SGCZ: variants seen among roughly 807,000 people sequenced by gnomAD.
SGCZ encodes zeta-sarcoglycan.
Under a neutral mutation model 41.3 loss-of-function variants are expected in SGCZ, and 40 were observed. The ratio of observed to expected loss-of-function variants is 0.97; its 90% CI spans 0.75 to 1.26. SGCZ has a LOEUF of 1.26. Among genes scored for constraint, SGCZ ranks in the 50% most tolerant of loss-of-function variants. SGCZ has a pLI of 0.00. For missense variants in SGCZ, 552 were observed against 369.8 expected (o/e 1.49, Z -4.04); for synonymous variants, 206 against 137.5 (o/e 1.50, Z -3.49).
chr8:15,132,679 T>C (rs1458144641), intron 1 of SGCZ, among the ~76,000 whole-genome samples: 3 of 152,148 alleles, frequency 2.0e-5, no homozygotes, highest in African/African-American at 2.4e-5. Context: ...TTGGTAAATA[T>C]TGAGGAATTT....
intron 4 of SGCZ, among the ~76,000 whole-genome samples, chr8:14,211,205 G>A (rs980911544): frequency 6.6e-6 from 1 of 152,172 alleles, no homozygotes; most frequent in African/African-American, 2.4e-5. Context: ...AGGAGTAAAG[G>A]TGTTTTGCTT....
Position 14,543,739 on chromosome 8 carries a change from C to G in SGCZ, c.234+10993G>C, listed in dbSNP as rs1391331756. On this transcript the variant is annotated intron_variant, in intron 2 of 7. Transcript: ENST00000382080. ...GGCAAGATCTTTAAAATTATCACCTCTCTATAAAATAATAAATGAATAAAT... is the reference window on the plus strand; with the variant it reads ...GGCAAGATCTTTAAAATTATCACCTGTCTATAAAATAATAAATGAATAAAT... Among the ~76,000 whole-genome samples the G allele has an allele frequency of 2.0e-5, 3 of 152,186 alleles. No individual in the cohort carries two copies. The South Asian group carries it at 6.2e-4, about 32-fold the overall frequency.
At chr8:14,211,341 T>A (rs887057696) in intron 4 of SGCZ, among the ~76,000 whole-genome samples, 1 of 152,086 alleles carries the variant, frequency 6.6e-6, no homozygotes, top group Non-Finnish European at 1.5e-5. Flanking sequence ...TGCCTTCAGG[T>A]TGCCGCAGCA....
intron 1 of SGCZ, among the ~76,000 whole-genome samples, chr8:15,001,117 C>T (rs943032455): frequency 1.3e-5 from 2 of 152,172 alleles, no homozygotes; most frequent in Non-Finnish European, 2.9e-5. Context: ...GAATTCAATG[C>T]CATGCCCAAA....
intron 1 of SGCZ, among the ~76,000 whole-genome samples, chr8:14,702,917 T>TTGGG (rs1563213237): frequency 5.9e-5 from 8 of 135,762 alleles, no homozygotes; most frequent in African/African-American, 2.2e-4. Context: ...AGGTAGGTAG[T>TTGGG]TAGGTAGGTA....
At chr8:14,611,497 C>G (rs1053142431) in intron 1 of SGCZ, among the ~76,000 whole-genome samples, 1 of 151,998 alleles carries the variant, frequency 6.6e-6, no homozygotes, top group African/African-American at 2.4e-5. Context: ...TTATACAAAT[C>G]AATAATCAGT....
At chr8:14,433,610 G>T (rs1401448745) in intron 2 of SGCZ, among the ~76,000 whole-genome samples, 1 of 151,960 alleles carries the variant, frequency 6.6e-6, no homozygotes, top group African/African-American at 2.4e-5. Context: ...ATTTCTTGAT[G>T]GATAATTCAC....
chr8:14,201,992 T>C (rs1013354381), intron 4 of SGCZ, among the ~76,000 whole-genome samples: 9 of 152,154 alleles, frequency 5.9e-5, no homozygotes, highest in Non-Finnish European at 1.0e-4. Flanking sequence ...TGCAGAATAA[T>C]GAAACCCCTC....
intron 1 of SGCZ, among the ~76,000 whole-genome samples, chr8:14,632,357 A>T (rs1470071360): frequency 6.6e-6 from 1 of 152,064 alleles, no homozygotes; most frequent in Non-Finnish European, 1.5e-5. Context: ...ATTATCTACC[A>T]TTATTAAAAT....
intron 1 of SGCZ, among the ~76,000 whole-genome samples, chr8:14,980,621 AAG>A (rs921145159): frequency 1.3e-5 from 2 of 152,168 alleles, no homozygotes; most frequent in Non-Finnish European, 2.9e-5. Flanking sequence ...GCAGCAGGCA[AAG>A]AGAGAGAATG....
intron 5 of SGCZ, among the ~76,000 whole-genome samples, chr8:14,163,303 A>G (rs550278262): frequency 1.3e-5 from 2 of 152,028 alleles, no homozygotes; most frequent in Non-Finnish European, 2.9e-5. Flanking sequence ...ATTTTTCCTA[A>G]TACTCTCCCT....
chr8:15,224,824 C>G (rs1801715360), intron 1 of SGCZ, among the ~76,000 whole-genome samples: 1 of 152,050 alleles, frequency 6.6e-6, no homozygotes, highest in Non-Finnish European at 1.5e-5. Context: ...TAAAATCAGA[C>G]AAAATAAACT....
At chr8:14,894,658 T>A (rs1288821327) in intron 1 of SGCZ, among the ~76,000 whole-genome samples, 1 of 152,280 alleles carries the variant, frequency 6.6e-6, no homozygotes, top group Non-Finnish European at 1.5e-5. Context: ...AATTTTCAGA[T>A]GAACCAAAAG....
chr8:14,598,648 C>T (rs1314940575), intron 1 of SGCZ, among the ~76,000 whole-genome samples: 2 of 151,948 alleles, frequency 1.3e-5, no homozygotes. Context: ...CCACTTGAGT[C>T]TCCCAAATAA....
chr8:14,327,952 T>C (rs754415570), intron 2 of SGCZ, among the ~76,000 whole-genome samples: 47 of 152,172 alleles, frequency 3.1e-4, no homozygotes, highest in Admixed American at 6.5e-4. Context: ...AGATAACTTT[T>C]GTACTTTTAG....
chr8:14,841,481 A>G (rs978052345), intron 1 of SGCZ, among the ~76,000 whole-genome samples: 6 of 152,184 alleles, frequency 3.9e-5, no homozygotes, highest in African/African-American at 1.4e-4. Flanking sequence ...ACATAATTGC[A>G]TGATTGGTTA....
chr8:14,659,209 C>T (rs531737275), intron 1 of SGCZ, among the ~76,000 whole-genome samples: 1 of 152,044 alleles, frequency 6.6e-6, no homozygotes. Flanking sequence ...CTAGTAACAA[C>T]GTAGTATATA....
At chr8:14,612,040 T>C (rs1805946431) in intron 1 of SGCZ, among the ~76,000 whole-genome samples, 1 of 152,212 alleles carries the variant, frequency 6.6e-6, no homozygotes, top group South Asian at 2.1e-4. Flanking sequence ...AAAAAATTAT[T>C]TAGCATTTGT....
At chr8:14,648,756 G>A (rs1807304968) in intron 1 of SGCZ, among the ~76,000 whole-genome samples, 1 of 151,898 alleles carries the variant, frequency 6.6e-6, no homozygotes. Context: ...TCATAGTTCA[G>A]ACTACATAAA....
Sources: allele counts gnomAD v4.1 joint callset (sites outside exome capture counted in the v4.1 genomes callset), GRCh38; gene constraint gnomAD v4.1.1; transcripts MANE v1.5; gene names NCBI Gene and HGNC (gene_info 2026-07-23, HGNC 2026-07-21).